The following MED27 variants were observed in gnomAD, a reference collection of about 807,000 sequenced individuals.
The protein encoded by MED27 is mediator complex subunit 27.
MED27 carries 30 observed loss-of-function variants against 38.2 expected under a neutral mutation model. The observed-to-expected ratio is 0.79, with a 90% CI of 0.59 to 1.07. The LOEUF is 1.07. Among genes scored for constraint, MED27 ranks in the 50% least tolerant of loss-of-function variants. The pLI, the probability that MED27 is intolerant of heterozygous loss-of-function variation, is 0.00. For synonymous variants in MED27, 122 were observed against 153.5 expected (o/e 0.79, Z 1.52); for missense variants, 289 against 397.5 (o/e 0.73, Z 2.32).
At chr9:131,869,775 G>A (rs887041446) in intron 6 of MED27, among the ~76,000 whole-genome samples, 1 of 152,178 alleles carries the variant, frequency 6.6e-6, no homozygotes, top group Admixed American at 6.5e-5. Context: ...GGAGGCGCCT[G>A]GTTCACCCCA....
Position 132,014,497 on chromosome 9 carries a change from G to C in MED27, c.349-30C>G, listed in dbSNP as rs760276019. 3.7e-6 allele frequency: 6 copies of C among 1,605,258 alleles called. No homozygotes were observed. In the African/African-American group the frequency reaches 8.1e-5, roughly 22 times the overall value. ...AGAGAAAAACAAAACAAAAGGGGAA[G>C]AAAAATAGCATTTGGTAAAAGTAGG... On this transcript the variant is annotated intron_variant, in intron 2 of 7. Coordinates refer to ENST00000292035, the MANE Select transcript of MED27 (RefSeq NM_004269.4).
chr9:131,985,133 T>G (rs1831821424), intron 3 of MED27, among the ~76,000 whole-genome samples: 1 of 152,212 alleles, frequency 6.6e-6, no homozygotes. Context: ...TCTTCTTTTA[T>G]GTCTTATTTC....
intron 3 of MED27, among the ~76,000 whole-genome samples, chr9:131,959,218 G>T (rs1431982841): frequency 6.6e-6 from 1 of 152,216 alleles, no homozygotes; most frequent in Non-Finnish European, 1.5e-5. Flanking sequence ...ATTTTGAAGT[G>T]AGGACAATAA....
chr9:131,910,850 G>T (rs13290149), intron 4 of MED27, among the ~76,000 whole-genome samples: 1 of 152,040 alleles, frequency 6.6e-6, no homozygotes. Flanking sequence ...GCGGAGGATC[G>T]TTCTGCATTT....
At chr9:131,979,627 T>C (rs1034546614) in intron 3 of MED27, among the ~76,000 whole-genome samples, 1 of 152,158 alleles carries the variant, frequency 6.6e-6, no homozygotes, top group Non-Finnish European at 1.5e-5. Context: ...CAATGAAATA[T>C]GGCATTGAAT....
At chr9:131,941,817 A>T (rs990805201) in intron 3 of MED27, among the ~76,000 whole-genome samples, 16 of 82,510 alleles carry the variant, frequency 1.9e-4, no homozygotes, top group East Asian at 1.4e-3. Flanking sequence ...ATTCTGCTGA[A>T]TTTTTTTTTT....
chr9:131,871,237 C>T (rs971228048), intron 6 of MED27, among the ~76,000 whole-genome samples: 2 of 152,192 alleles, frequency 1.3e-5, no homozygotes, highest in Non-Finnish European at 2.9e-5. Context: ...TACTCAGGCC[C>T]TCTCCTGCGG....
At chr9:132,020,645 T>C (rs1016399857) in intron 2 of MED27, among the ~76,000 whole-genome samples, 3 of 152,326 alleles carry the variant, frequency 2.0e-5, no homozygotes, top group Admixed American at 1.3e-4. Context: ...AAGAATCATG[T>C]ATTACAATAG....
chr9:131,874,088 G>T (rs930096260), intron 6 of MED27, among the ~76,000 whole-genome samples: 1 of 152,182 alleles, frequency 6.6e-6, no homozygotes, highest in Non-Finnish European at 1.5e-5. Context: ...GGTCTCAGCC[G>T]CATTTCCCTT....
chr9:131,873,821 A>T (rs1838877231), intron 6 of MED27, among the ~76,000 whole-genome samples: 1 of 152,200 alleles, frequency 6.6e-6, no homozygotes, highest in Admixed American at 6.5e-5. Flanking sequence ...GGATGTACTC[A>T]GCAAGATCTC....
At chr9:131,924,517 C>T (rs1221755515) in intron 4 of MED27, among the ~76,000 whole-genome samples, 1 of 152,080 alleles carries the variant, frequency 6.6e-6, no homozygotes, top group African/African-American at 2.4e-5. Flanking sequence ...TTTCTCCCAG[C>T]TTGGCTGTCT....
chr9:131,916,824 CA>C (rs1361739015), intron 4 of MED27, among the ~76,000 whole-genome samples: 1 of 152,158 alleles, frequency 6.6e-6, no homozygotes, highest in African/African-American at 2.4e-5. Flanking sequence ...CATTCTAAAG[CA>C]AAGTGATCCA....
chr9:132,035,983 C>CA lies in MED27; in HGVS notation c.349-21517dup, dbSNP rs532967062. On this transcript the variant is annotated intron_variant, in intron 2 of 7. Coordinates refer to ENST00000292035, the MANE Select transcript of MED27 (RefSeq NM_004269.4). Reference sequence around the variant, plus strand: ...CCTGTCTCTAAAAAACACAAAAACACAAAAAAAACCCCAAGACCACAGAGA... The same window carrying CA: ...CCTGTCTCTAAAAAACACAAAAACACAAAAAAAAACCCCAAGACCACAGAGA... Among the ~76,000 whole-genome samples, 803 of 151,612 alleles carry CA rather than the reference C, an allele frequency of 5.3e-3. 7 individuals are homozygous for CA. Among genetic ancestry groups the CA allele is most frequent in the Middle Eastern group, 0.02 (6 of 294 alleles).
chr9:132,013,158 A>G (rs1302210698), intron 3 of MED27, among the ~76,000 whole-genome samples: 1 of 152,206 alleles, frequency 6.6e-6, no homozygotes, highest in Non-Finnish European at 1.5e-5. Context: ...GAGCCTTTGC[A>G]CTCACCTACT....
intron 3 of MED27, among the ~76,000 whole-genome samples, chr9:131,968,226 A>C (rs144466969): frequency 0.013 from 1,998 of 152,080 alleles, 38 homozygotes; most frequent in African/African-American, 0.044. Context: ...TAATCCCACC[A>C]CTCTGGAATG....
At chr9:132,020,123 A>C (rs1248742448) in intron 2 of MED27, among the ~76,000 whole-genome samples, 2 of 152,174 alleles carry the variant, frequency 1.3e-5, no homozygotes, top group Non-Finnish European at 2.9e-5. Flanking sequence ...CCTTCCTAGC[A>C]GTTTTGATAT....
intron 3 of MED27, among the ~76,000 whole-genome samples, chr9:131,977,479 T>G (rs1831634383): frequency 6.6e-6 from 1 of 152,152 alleles, no homozygotes; most frequent in Non-Finnish European, 1.5e-5. Context: ...GTTAGGGCAA[T>G]CTGATTTGAT....
chr9:132,036,753 A>C (rs1301542195), intron 2 of MED27, among the ~76,000 whole-genome samples: 1 of 152,240 alleles, frequency 6.6e-6, no homozygotes, highest in African/African-American at 2.4e-5. Flanking sequence ...TTCCAGGTAC[A>C]GTGTTAGGTG....
At chr9:131,955,665 G>T (rs539923749) in intron 3 of MED27, among the ~76,000 whole-genome samples, 6 of 152,156 alleles carry the variant, frequency 3.9e-5, no homozygotes, top group African/African-American at 1.4e-4. Flanking sequence ...AAAGATGTAA[G>T]TTATATAACT....
Sources: allele counts gnomAD v4.1 joint callset (sites outside exome capture counted in the v4.1 genomes callset), GRCh38; gene constraint gnomAD v4.1.1; transcripts MANE v1.5; gene names NCBI Gene and HGNC (gene_info 2026-07-23, HGNC 2026-07-21).